CFAP77: variants seen among roughly 807,000 people sequenced by gnomAD.
The protein encoded by CFAP77 is cilia and flagella associated protein 77, also known as cilia- and flagella-associated protein 77.
CFAP77 carries 25 observed loss-of-function variants against 31.1 expected under a neutral mutation model. The ratio of observed to expected loss-of-function variants is 0.80; its 90% CI spans 0.59 to 1.12. The LOEUF is 1.12. Ranked by LOEUF, CFAP77 falls within the 50% of genes most tolerant of loss-of-function variation. The pLI is 0.00. For synonymous variants in CFAP77, 151 were observed against 159.9 expected (o/e 0.94, Z 0.42); for missense variants, 377 against 397.3 (o/e 0.95, Z 0.44).
chr9:132,524,788 ACAGGCG>A, intron 3 of CFAP77, among the ~76,000 whole-genome samples: 1 of 150,744 alleles, frequency 6.6e-6, no homozygotes, highest in Middle Eastern at 3.4e-3. Flanking sequence ...AGCTGGGACT[ACAGGCG>A]CCCGCCACCA....
At chr9:132,449,863 T>C (rs546883261) in intron 1 of CFAP77, among the ~76,000 whole-genome samples, 66 of 152,154 alleles carry the variant, frequency 4.3e-4, no homozygotes, top group Non-Finnish European at 8.1e-4. Context: ...CTTTTTATAT[T>C]TAATGGTTGA....
intron 5 of CFAP77, among the ~76,000 whole-genome samples, chr9:132,548,716 C>T (rs1251003984): frequency 2.0e-5 from 3 of 150,682 alleles, no homozygotes; most frequent in South Asian, 2.1e-4. Flanking sequence ...CCCCCACCCT[C>T]GGAACATCCG....
chr9:132,502,322 A>G (rs565273122), intron 3 of CFAP77, among the ~76,000 whole-genome samples: 30 of 142,272 alleles, frequency 2.1e-4, no homozygotes, highest in Middle Eastern at 3.8e-3. Flanking sequence ...TATTTTTTCT[A>G]ATTTTTTATT....
intron 3 of CFAP77, among the ~76,000 whole-genome samples, chr9:132,510,844 AT>A (rs1852024059): frequency 1.3e-5 from 2 of 152,182 alleles, no homozygotes; most frequent in Non-Finnish European, 2.9e-5. Context: ...GCTAGACACC[AT>A]GCTGGGTGCC....
chr9:132,544,054 TG>T (rs1852691503), intron 5 of CFAP77, among the ~76,000 whole-genome samples: 1 of 152,206 alleles, frequency 6.6e-6, no homozygotes, highest in Non-Finnish European at 1.5e-5. Flanking sequence ...GCCCGGCCGC[TG>T]TGCCGCATTA....
chr9:132,550,294 A>T (rs551024926), intron 5 of CFAP77, among the ~76,000 whole-genome samples: 1 of 152,356 alleles, frequency 6.6e-6, no homozygotes, highest in Non-Finnish European at 1.5e-5. Flanking sequence ...AGAATCGATG[A>T]GTAAGACAGC....
At chr9:132,536,031 T>A (rs547770972) in intron 3 of CFAP77, among the ~76,000 whole-genome samples, 1 of 152,238 alleles carries the variant, frequency 6.6e-6, no homozygotes, top group African/African-American at 2.4e-5. Flanking sequence ...TTCTTCCTCA[T>A]GAAAATAGAA....
At chr9:132,475,937 G>A (rs1274112728) in intron 1 of CFAP77, among the ~76,000 whole-genome samples, 1 of 152,214 alleles carries the variant, frequency 6.6e-6, no homozygotes, top group East Asian at 1.9e-4. Context: ...GCACAGCCTG[G>A]CCCCATGACT....
At chr9:132,491,415 C>T (rs866044024) in intron 1 of CFAP77, among the ~76,000 whole-genome samples, 1 of 152,126 alleles carries the variant, frequency 6.6e-6, no homozygotes, top group Non-Finnish European at 1.5e-5. Flanking sequence ...TGCAGTGAGC[C>T]GAGATTGTGC....
Position 132,549,171 on chromosome 9 carries a change from C to A in CFAP77, c.732+6124C>A, listed in dbSNP as rs138956329. 9.4e-4 allele frequency among the ~76,000 whole-genome samples: 143 copies of A among 152,300 alleles called. 1 individual carries two copies. The highest frequency in any genetic ancestry group is 3.4e-3 in the African/African-American group (140 of 41,566). On this transcript the variant is annotated intron_variant, in intron 5 of 5. Transcript: ENST00000393216. The stretch of plus-strand genomic sequence containing the variant: ...CTCTCTGCTACACCCCCCAAGCGGG[C>A]TTCTAGCCTGTCCACCCTGCCGCCT...
intron 3 of CFAP77, among the ~76,000 whole-genome samples, chr9:132,523,513 C>G (rs1271946981): frequency 6.6e-6 from 1 of 152,212 alleles, no homozygotes; most frequent in Non-Finnish European, 1.5e-5. Context: ...ACACACACAG[C>G]CACTTCATTC....
At chr9:132,493,723 G>T (rs1018733981) in intron 1 of CFAP77, among the ~76,000 whole-genome samples, 1 of 152,232 alleles carries the variant, frequency 6.6e-6, no homozygotes, top group East Asian at 1.9e-4. Context: ...GGCTGCATCC[G>T]CATGGAGGAG....
chr9:132,519,797 T>G (rs1852234794), intron 3 of CFAP77, among the ~76,000 whole-genome samples: 1 of 145,572 alleles, frequency 6.9e-6, no homozygotes, highest in Non-Finnish European at 1.5e-5. Flanking sequence ...GATGGATGGA[T>G]GGATGAATGG....
At chr9:132,431,929 A>C (rs934712673) in intron 1 of CFAP77, among the ~76,000 whole-genome samples, 89 of 152,292 alleles carry the variant, frequency 5.8e-4, no homozygotes, top group Middle Eastern at 3.4e-3. Context: ...TATCCTCCCG[A>C]GTAGCTGGGA....
intron 1 of CFAP77, among the ~76,000 whole-genome samples, chr9:132,416,017 T>C (rs1375209899): frequency 6.6e-6 from 1 of 152,260 alleles, no homozygotes; most frequent in East Asian, 1.9e-4. Context: ...GTGTTAGTTC[T>C]CTGTGTTTGT....
chr9:132,430,330 T>C (rs1850392422), intron 1 of CFAP77, among the ~76,000 whole-genome samples: 1 of 152,148 alleles, frequency 6.6e-6, no homozygotes, highest in South Asian at 2.1e-4. Flanking sequence ...CAGTCCTCTG[T>C]TTTGATCCAA....
chr9:132,536,436 C>T (rs1297503693), intron 3 of CFAP77, among the ~76,000 whole-genome samples: 2 of 149,882 alleles, frequency 1.3e-5, no homozygotes, highest in Admixed American at 1.3e-4. Context: ...CTATGTTGCC[C>T]AGGCTGGAGT....
Position 132,556,605 on chromosome 9 carries a change from G to A in CFAP77, c.732+13558G>A, listed in dbSNP as rs559297002. ...CACCCCCCGAGCCCCATCACACAGA[G>A]GGAGAGGGGGGTGGCAGCTTGGGGG... On this transcript the variant is annotated intron_variant, in intron 5 of 5. Coordinates refer to ENST00000393216, the MANE Select transcript of CFAP77 (RefSeq NM_001282957.2). Among the ~76,000 whole-genome samples, 121 of 152,310 alleles carry A rather than the reference G, an allele frequency of 7.9e-4. 2 individuals carry two copies. The South Asian group carries it at 0.024, about 30-fold the overall frequency.
intron 4 of CFAP77, among the ~76,000 whole-genome samples, chr9:132,542,736 C>G (rs764913754): frequency 1.1e-4 from 16 of 152,264 alleles, no homozygotes; most frequent in South Asian, 2.1e-4. Flanking sequence ...TCCCACCCCC[C>G]CTCCCCCAGT....
Sources: allele counts gnomAD v4.1 joint callset (sites outside exome capture counted in the v4.1 genomes callset), GRCh38; gene constraint gnomAD v4.1.1; transcripts MANE v1.5; gene names NCBI Gene and HGNC (gene_info 2026-07-23, HGNC 2026-07-21).